Variants in NKAIN2 observed in about 807,000 individuals in gnomAD.
NKAIN2 encodes sodium/potassium-transporting ATPase subunit beta-1-interacting protein 2.
Under a neutral mutation model 32.6 loss-of-function variants are expected in NKAIN2, and 14 were observed. The ratio of observed to expected loss-of-function variants is 0.43; its 90% CI spans 0.28 to 0.67. The LOEUF is 0.67. Among genes scored for constraint, NKAIN2 ranks in the 30% least tolerant of loss-of-function variants. NKAIN2 has a pLI of 0.17. For synonymous variants in NKAIN2, 80 were observed against 87.2 expected, an observed-to-expected ratio of 0.92 and a Z score of 0.46; for missense variants, 198 against 258.3, an observed-to-expected ratio of 0.77 and a Z score of 1.60.
At chr6:123,986,749 C>T (rs1322783052) in intron 1 of NKAIN2, among the ~76,000 whole-genome samples, 1 of 152,100 alleles carries the variant, frequency 6.6e-6, no homozygotes, top group African/African-American at 2.4e-5. Flanking sequence ...AAGGTTTAGC[C>T]TATTTAACAC....
At chr6:123,951,705 CT>C (rs1777335202) in intron 1 of NKAIN2, among the ~76,000 whole-genome samples, 1 of 151,640 alleles carries the variant, frequency 6.6e-6, no homozygotes, top group Admixed American at 6.6e-5. Context: ...AGTTGGGTCA[CT>C]TTTTTAGTCT....
At chr6:124,331,374 A>AAAAAAAAAAAAAAAAC (rs1797649524) in intron 2 of NKAIN2, among the ~76,000 whole-genome samples, 1 of 144,904 alleles carries the variant, frequency 6.9e-6, no homozygotes, top group Non-Finnish European at 1.5e-5. Flanking sequence ...AAAAAAAAAA[A>AAAAAAAAAAAAAAAAC]AAAAACTAGC....
At chr6:124,476,375 G>C (rs980199926) in intron 3 of NKAIN2, among the ~76,000 whole-genome samples, 5 of 146,156 alleles carry the variant, frequency 3.4e-5, no homozygotes, top group African/African-American at 1.0e-4. Context: ...TTCTTTTACT[G>C]AATTCATATG....
At chr6:124,121,414 C>T (rs1233573338) in intron 1 of NKAIN2, among the ~76,000 whole-genome samples, 2 of 151,870 alleles carry the variant, frequency 1.3e-5, no homozygotes, top group East Asian at 3.9e-4. Context: ...GTATATAGTA[C>T]ATAGGTATAT....
intron 2 of NKAIN2, among the ~76,000 whole-genome samples, chr6:124,306,783 T>C (rs1583023830): frequency 6.6e-6 from 1 of 152,290 alleles, no homozygotes; most frequent in African/African-American, 2.4e-5. Flanking sequence ...GACAAGTCAA[T>C]CTTAATGGCC....
At chr6:124,524,109 G>T (rs545444229) in intron 3 of NKAIN2, among the ~76,000 whole-genome samples, 1 of 152,266 alleles carries the variant, frequency 6.6e-6, no homozygotes, top group African/African-American at 2.4e-5. Context: ...AACTGAGTCT[G>T]TCTTGACAAT....
intron 2 of NKAIN2, among the ~76,000 whole-genome samples, chr6:124,336,764 C>G (rs1287864989): frequency 6.7e-6 from 1 of 150,168 alleles, no homozygotes; most frequent in Non-Finnish European, 1.5e-5. Context: ...ACCTCTGCCT[C>G]CTGGGTTCAA....
At chr6:124,675,237 T>C (rs1012834819) in intron 4 of NKAIN2, among the ~76,000 whole-genome samples, 1 of 152,112 alleles carries the variant, frequency 6.6e-6, no homozygotes, top group Non-Finnish European at 1.5e-5. Context: ...CCTATGGTCC[T>C]GTTAAGGTGT....
intron 1 of NKAIN2, among the ~76,000 whole-genome samples, chr6:124,036,902 G>C (rs1009374917): frequency 6.6e-6 from 1 of 152,100 alleles, no homozygotes. Flanking sequence ...CCTTAAAAAT[G>C]TTGCTCTTTG....
intron 3 of NKAIN2, among the ~76,000 whole-genome samples, chr6:124,379,292 A>G (rs1167408375): frequency 1.1e-5 from 1 of 92,590 alleles, no homozygotes; most frequent in Non-Finnish European, 2.2e-5. Context: ...AGGAGAGGAG[A>G]GAGAAAGGAG....
intron 3 of NKAIN2, among the ~76,000 whole-genome samples, chr6:124,562,968 G>T (rs527436335): frequency 6.7e-6 from 1 of 149,520 alleles, no homozygotes; most frequent in Non-Finnish European, 1.5e-5. Flanking sequence ...GCAATGGCGC[G>T]ATCTCAGCTC....
At chr6:124,013,281 T>A (rs929396812) in intron 1 of NKAIN2, among the ~76,000 whole-genome samples, 1 of 152,188 alleles carries the variant, frequency 6.6e-6, no homozygotes. Flanking sequence ...CTGAGTAGTG[T>A]TTATGAAGAA....
chr6:124,201,940 A>G (rs1402850001), intron 1 of NKAIN2, among the ~76,000 whole-genome samples: 1 of 151,964 alleles, frequency 6.6e-6, no homozygotes, highest in Non-Finnish European at 1.5e-5. Context: ...ACAGATTTCT[A>G]TTAACGTTTG....
intron 4 of NKAIN2, among the ~76,000 whole-genome samples, chr6:124,677,033 A>G (rs1475813793): frequency 6.6e-6 from 1 of 152,014 alleles, no homozygotes; most frequent in Non-Finnish European, 1.5e-5. Flanking sequence ...CAGTGGCGTG[A>G]TCTCGGCTCA....
intron 4 of NKAIN2, among the ~76,000 whole-genome samples, chr6:124,771,080 G>T (rs1008023101): frequency 2.6e-5 from 4 of 152,172 alleles, no homozygotes; most frequent in African/African-American, 9.6e-5. Flanking sequence ...CTAATTCCAT[G>T]AGTATCTTGA....
chr6:124,412,808 G>T (rs1360995060), intron 3 of NKAIN2, among the ~76,000 whole-genome samples: 2 of 152,206 alleles, frequency 1.3e-5, no homozygotes, highest in African/African-American at 4.8e-5. Context: ...TCCTTGATCT[G>T]TGGTGGGCTC....
chr6:124,377,892 T>G (rs1800059718), intron 3 of NKAIN2, among the ~76,000 whole-genome samples: 1 of 152,156 alleles, frequency 6.6e-6, no homozygotes, highest in Non-Finnish European at 1.5e-5. Context: ...TCTCTTCACA[T>G]GAGACTCCAG....
At chr6:124,444,391 G>A (rs1383266459) in intron 3 of NKAIN2, among the ~76,000 whole-genome samples, 1 of 151,942 alleles carries the variant, frequency 6.6e-6, no homozygotes, top group Non-Finnish European at 1.5e-5. Flanking sequence ...ATTTTATCCA[G>A]ACTCATGTTT....
At chr6:123,997,085 CACA>C (rs1418803757) in intron 1 of NKAIN2, among the ~76,000 whole-genome samples, 3 of 152,126 alleles carry the variant, frequency 2.0e-5, no homozygotes, top group Non-Finnish European at 4.4e-5. Context: ...ACTTTCAGCA[CACA>C]ACAACTATTT....
Sources: allele counts gnomAD v4.1 joint callset (sites outside exome capture counted in the v4.1 genomes callset), GRCh38; gene constraint gnomAD v4.1.1; transcripts MANE v1.5; gene names NCBI Gene and HGNC (gene_info 2026-07-23, HGNC 2026-07-21).